FRMD5: variants seen among roughly 807,000 people sequenced by gnomAD.
FRMD5 encodes the protein FERM domain containing 5, also known as FERM domain-containing protein 5.
In FRMD5, 20 loss-of-function variants were observed where a neutral mutation model predicts 69.0. That is an observed-to-expected ratio of 0.29 (90% confidence interval 0.20 to 0.42). FRMD5 has a LOEUF of 0.42. Ranked by LOEUF, FRMD5 falls within the 10% of genes least tolerant of loss-of-function variation. The pLI is 1.00. For missense variants in FRMD5, 595 were observed against 708.6 expected (o/e 0.84, Z 1.82); for synonymous variants, 271 against 260.1 (o/e 1.04, Z -0.40).
At chr15:44,042,444 C>A (rs567899607) in intron 1 of FRMD5, among the ~76,000 whole-genome samples, 4 of 152,298 alleles carry the variant, frequency 2.6e-5, no homozygotes, top group Admixed American at 6.5e-5. Context: ...CAGCATCATC[C>A]TGATACCAAA....
chr15:43,883,307 G>A (rs567975908), intron 13 of FRMD5, among the ~76,000 whole-genome samples: 7 of 152,008 alleles, frequency 4.6e-5, no homozygotes, highest in South Asian at 4.2e-4. Flanking sequence ...CATTTTGGCC[G>A]GGCTGGTCTT....
At chr15:43,885,784 G>A (rs369153887) in intron 10 of FRMD5, 29 bp from the exon 11 acceptor site, 55 of 1,589,200 alleles carry the variant, frequency 3.5e-5, no homozygotes, top group Non-Finnish European at 4.7e-5. Context: ...CAGTGTGATA[G>A]ACAGCCTGAA....
At chr15:43,919,668 G>A (rs2089458227) in intron 3 of FRMD5, 99 bp downstream of exon 3, 1 of 1,453,708 alleles carries the variant, frequency 6.9e-7, no homozygotes. Flanking sequence ...TCAGAACAGT[G>A]GGAAATTATA....
intron 1 of FRMD5, among the ~76,000 whole-genome samples, chr15:43,952,597 C>T (rs911266942): frequency 2.6e-5 from 4 of 152,206 alleles, no homozygotes; most frequent in Admixed American, 6.5e-5. Context: ...ACTGCAGACT[C>T]GCTTCCAGGA....
At chr15:43,974,455 A>G (rs2090434082) in intron 1 of FRMD5, among the ~76,000 whole-genome samples, 1 of 152,188 alleles carries the variant, frequency 6.6e-6, no homozygotes, top group East Asian at 1.9e-4. Context: ...CTATAGGTTA[A>G]GGCTGCTTGC....
intron 1 of FRMD5, among the ~76,000 whole-genome samples, chr15:43,993,235 C>A (rs560808873): frequency 6.6e-6 from 1 of 152,150 alleles, no homozygotes; most frequent in South Asian, 2.1e-4. Context: ...ATTCTGTTGC[C>A]AGGCTGGAAT....
Position 43,875,056 on chromosome 15 carries a change from C to T in FRMD5, c.1136-594G>A, listed in dbSNP as rs138611776. The stretch of plus-strand genomic sequence containing the variant: ...GTACTAAAAATACAAAAATCAGCCA[C>T]GTGTGGTGGCGGGCATCTGTAATCC... On this transcript the variant is annotated intron_variant, in intron 13 of 13. Coordinates refer to ENST00000417257, the MANE Select transcript of FRMD5 (RefSeq NM_032892.5). Among the ~76,000 whole-genome samples, 418 of 152,082 alleles carry T rather than the reference C, an allele frequency of 2.7e-3. 4 individuals carry two copies. Among genetic ancestry groups the T allele is most frequent in the African/African-American group, 9.3e-3 (386 of 41,480 alleles).
chr15:43,937,022 A>C (rs1353485703), intron 1 of FRMD5, among the ~76,000 whole-genome samples: 1 of 152,198 alleles, frequency 6.6e-6, no homozygotes, highest in Non-Finnish European at 1.5e-5. Context: ...AGTTATTTTT[A>C]GGAAATTGAT....
intron 1 of FRMD5, among the ~76,000 whole-genome samples, chr15:44,007,005 T>C (rs1890480622): frequency 6.6e-6 from 1 of 151,922 alleles, no homozygotes; most frequent in African/African-American, 2.4e-5. Flanking sequence ...AAAGGAAGAG[T>C]CCACTGATGT....
At chr15:44,090,421 T>C (rs567015372) in intron 1 of FRMD5, among the ~76,000 whole-genome samples, 1 of 152,098 alleles carries the variant, frequency 6.6e-6, no homozygotes, top group African/African-American at 2.4e-5. Context: ...CCTGTCTAAA[T>C]TACCAAAGAG....
chr15:44,188,114 G>C (rs1427714511), intron 1 of FRMD5, among the ~76,000 whole-genome samples: 1 of 152,100 alleles, frequency 6.6e-6, no homozygotes, highest in Non-Finnish European at 1.5e-5. Context: ...AGTGCGTCAA[G>C]TTGTGAACAA....
intron 1 of FRMD5, among the ~76,000 whole-genome samples, chr15:44,118,196 T>A (rs1024593015): frequency 2.6e-5 from 4 of 152,108 alleles, no homozygotes; most frequent in Non-Finnish European, 5.9e-5. Context: ...AGCTACCAGG[T>A]AACTCCATGG....
At chr15:44,037,027 T>C (rs530037269) in intron 1 of FRMD5, among the ~76,000 whole-genome samples, 71 of 152,294 alleles carry the variant, frequency 4.7e-4, no homozygotes, top group Middle Eastern at 6.8e-3. Context: ...GGGATACATG[T>C]GCAGAATGTG....
intron 1 of FRMD5, among the ~76,000 whole-genome samples, chr15:44,051,772 T>C (rs1013077466): frequency 6.6e-6 from 1 of 152,126 alleles, no homozygotes; most frequent in African/African-American, 2.4e-5. Context: ...TCAGTGGGGA[T>C]TTGTCTGATG....
At chr15:44,036,060 T>C (rs1891895722) in intron 1 of FRMD5, among the ~76,000 whole-genome samples, 1 of 152,130 alleles carries the variant, frequency 6.6e-6, no homozygotes, top group Admixed American at 6.5e-5. Context: ...AACTGCGTCA[T>C]ATGTCACAAA....
chr15:43,923,678 A>G (rs1566838445), intron 2 of FRMD5, among the ~76,000 whole-genome samples: 1 of 152,208 alleles, frequency 6.6e-6, no homozygotes, highest in Non-Finnish European at 1.5e-5. Flanking sequence ...TCTGTCTGGA[A>G]TATCAGCACC....
intron 1 of FRMD5, chr15:44,063,459 C>T (rs1255720552): frequency 9.6e-6 from 2 of 207,474 alleles, no homozygotes; most frequent in East Asian, 1.3e-4. Context: ...CTGCTCCTCC[C>T]GTTTGACAAC....
chr15:43,888,942 C>G (rs1348180774), intron 8 of FRMD5, 70 bp from the exon 9 acceptor site: 25 of 1,338,782 alleles, frequency 1.9e-5, no homozygotes, highest in Non-Finnish European at 2.6e-5. Flanking sequence ...CTTGTAGATG[C>G]ACAGCCCACC....
intron 1 of FRMD5, among the ~76,000 whole-genome samples, chr15:43,960,563 C>T (rs191754155): frequency 6.1e-5 from 9 of 148,074 alleles, no homozygotes; most frequent in African/African-American, 2.3e-4. Context: ...TTTGTGTTTT[C>T]AGTAGAGACA....
Sources: gnomAD v4.1 joint callset for allele counts (sites outside exome capture counted in the v4.1 genomes callset) on GRCh38, gnomAD v4.1.1 for gene constraint, MANE v1.5 for transcripts, NCBI Gene and HGNC (gene_info 2026-07-23, HGNC 2026-07-21) for gene names.